Variants in OTUB1 observed in about 807,000 individuals in gnomAD.
The protein encoded by OTUB1 is ubiquitin thioesterase OTUB1.
A neutral mutation model predicts 35.8 loss-of-function variants in OTUB1; 10 were observed. The observed-to-expected ratio is 0.28, with a 90% CI of 0.17 to 0.47. The LOEUF (loss-of-function observed/expected upper bound fraction) is 0.47. Among genes scored for constraint, OTUB1 ranks in the 20% least tolerant of loss-of-function variants. The probability of loss-of-function intolerance (pLI) is 0.99; values close to 1 mark genes in which losing one functional copy is unlikely to be tolerated. For synonymous variants in OTUB1, 158 were observed against 143.8 expected, an observed-to-expected ratio of 1.10 and a Z score of -0.71; for missense variants, 264 against 351.6, an observed-to-expected ratio of 0.75 and a Z score of 1.99.
intron 1 of OTUB1, chr11:63,987,015 CCCTGAGG>C (rs1473022918): frequency 6.4e-6 from 1 of 155,080 alleles, no homozygotes; most frequent in African/African-American, 2.4e-5. Flanking sequence ...CGGGATCTGT[CCCTGAGG>C]CCTGCGACTT....
rs1245730408 is a variant in OTUB1 at position 63,997,480 on chromosome 11, T to G, written c.750T>G (p.Pro250=). 1 of 1,614,122 alleles carries G rather than the reference T, an allele frequency of 6.2e-7. No homozygotes were observed. The highest frequency in any genetic ancestry group is 1.1e-5 in the South Asian group (1 of 91,086). ...EGGTTNPHIF[P]EGSEPKVYLL... ...GCACCACCAATCCGCACATCTTCCC[T>G]GAGGGCTCCGAGCCCAAGGTCTACC... Residue 250 remains proline (P), a synonymous_variant, in exon 7 of 7, where the codon CCT becomes CCG. Coordinates refer to ENST00000538426, the MANE Select transcript of OTUB1 (RefSeq NM_017670.3).
rs552834352 is a variant in OTUB1, at chr11:63,986,678, G to A, written c.58+164G>A. 2.2e-3 allele frequency among the ~76,000 whole-genome samples: 332 copies of A among 152,186 alleles called. 1 individual carries two copies. The highest frequency in any genetic ancestry group is 0.017 in the Middle Eastern group (5 of 292). On this transcript the variant is annotated intron_variant, in intron 1 of 6. Coordinates refer to ENST00000538426, the MANE Select transcript of OTUB1 (RefSeq NM_017670.3). ...CCTCCCCTCCCCCTCACAATGGAAG[G>A]AGCCACCGCCGCGACCCCCGGCCGG...
At chr11:63,992,586 GCTGGAGTGCA>G (rs1354667757) in intron 3 of OTUB1, among the ~76,000 whole-genome samples, 2 of 152,082 alleles carry the variant, frequency 1.3e-5, no homozygotes, top group Non-Finnish European at 2.9e-5. Context: ...TGTCACCCAG[GCTGGAGTGCA>G]CTGGAGTGCA....
Position 63,997,597 on chromosome 11 carries a change from G to A in OTUB1, c.*51G>A. The A allele has an allele frequency of 6.6e-7, 1 of 1,515,170 alleles. No homozygotes were observed. The highest frequency in any genetic ancestry group is 9.2e-7 in the Non-Finnish European group (1 of 1,092,868). The allele number at this position is 1,515,170 out of a possible 1,614,324, so 93.9% of individuals were successfully genotyped here. A position where few individuals can be genotyped will look rare whatever the true frequency, so the allele number is the denominator to read the frequency against. On this transcript the variant is annotated 3_prime_UTR_variant, in exon 7 of 7. Transcript: ENST00000538426. ...TGCTGCCCCCCTCTGCCAGGCGCTA[G>A]ACATGTACAGAGGTTTTTCTGTGGT...
At chr11:63,995,508 T>C (rs752379423) in intron 3 of OTUB1, among the ~76,000 whole-genome samples, 1 of 152,080 alleles carries the variant, frequency 6.6e-6, no homozygotes, top group Non-Finnish European at 1.5e-5. Flanking sequence ...TTATTTTTTT[T>C]AGAGAGACGG....
chr11:63,991,906 T>C (rs1942675978), intron 3 of OTUB1, among the ~76,000 whole-genome samples: 1 of 151,338 alleles, frequency 6.6e-6, no homozygotes, highest in Non-Finnish European at 1.5e-5. Flanking sequence ...AGGCGGTGAG[T>C]GCTGTGGAGA....
chr11:63,989,111 G>A (rs1027525384), intron 3 of OTUB1: 11 of 186,128 alleles, frequency 5.9e-5, no homozygotes, highest in Non-Finnish European at 1.0e-4. Flanking sequence ...CCTGAGGTCA[G>A]GAGTTCGAGA....
intron 3 of OTUB1, chr11:63,990,763 C>T (rs1168224138): frequency 6.6e-6 from 1 of 152,054 alleles, no homozygotes; most frequent in Non-Finnish European, 1.5e-5. Flanking sequence ...GTAGGTAACC[C>T]AGGTGATTGA....
Position 63,997,406 on chromosome 11 carries a change from G to A in OTUB1, c.676G>A (p.Ala226Thr). The A allele has an allele frequency of 1.2e-6, 2 of 1,614,110 alleles. No homozygotes were observed. Among genetic ancestry groups the A allele is most frequent in the African/African-American group, 2.7e-5 (2 of 75,054 alleles). The part of the protein sequence containing the change: ...DHIHIIALAQ[A>T]LSVSIQVEYM... ...CATCCACATCATTGCGCTGGCCCAG[G>A]CCCTCAGCGTGTCCATCCAGGTGGA... Residue 226 changes from alanine (A) to threonine (T), a missense_variant, in exon 7 of 7, where the codon GCC (alanine) becomes ACC (threonine). Physicochemically the swap from Ala to Thr is moderately conservative, Grantham distance 58 (BLOSUM62 0). This residue lies in a region of OTUB1 where 214 missense variants were observed against 317.1 expected (regional missense o/e 0.67). Transcript: ENST00000538426.
intron 3 of OTUB1, among the ~76,000 whole-genome samples, chr11:63,990,997 G>C (rs971822500): frequency 3.9e-5 from 6 of 152,224 alleles, no homozygotes; most frequent in African/African-American, 7.2e-5. Flanking sequence ...CTGCAGGCCA[G>C]ATCCAGCTGT....
Position 63,997,515 on chromosome 11 carries a change from G to A in OTUB1, c.785G>A (p.Arg262Gln). 6 of 1,614,052 alleles carry A rather than the reference G, an allele frequency of 3.7e-6. No homozygotes were observed. The highest frequency in any genetic ancestry group is 5.1e-6 in the Non-Finnish European group (6 of 1,180,000). The change falls in exon 7 of 7, where the codon CGG becomes CAG. Residue 262 changes from arginine to glutamine, a missense_variant. Transcript: ENST00000538426. ...GSEPKVYLLYRPGHYDILYK is the reference protein window; with the variant it reads ...GSEPKVYLLYQPGHYDILYK ...GAGCCCAAGGTCTACCTTCTCTACC[G>A]GCCTGGACACTACGATATCCTCTAC... is the stretch of plus-strand genomic sequence containing the variant.
Position 63,996,969 on chromosome 11 carries a change from G to A in OTUB1, c.423+28G>A, listed in dbSNP as rs772794068. 7 of 1,613,534 alleles carry A rather than the reference G, an allele frequency of 4.3e-6. No homozygotes were observed. In the East Asian group the frequency reaches 1.6e-4, roughly 36 times the overall value. On this transcript the variant is annotated intron_variant, in intron 5 of 6. Coordinates refer to ENST00000538426, the MANE Select transcript of OTUB1 (RefSeq NM_017670.3). ...GAGCCCTGGTGCCTGTCTTGGGCTG[G>A]GCCATGGGGGAGGGGTTCACCTGGT...
Position 63,996,484 on chromosome 11 carries a change from C to T in OTUB1, c.220-46C>T, listed in dbSNP as rs189204824. The T allele has an allele frequency of 2.6e-5, 42 of 1,592,756 alleles. No individual in the cohort carries two copies. In the Admixed American group the frequency reaches 2.8e-4, roughly 11 times the overall value. ...GGGGGACATTTCCTTGGCCAGCCCC[C>T]GTTCTGGCCTGATGTTAACCTGTCG... On this transcript the variant is annotated intron_variant, in intron 3 of 6. Coordinates refer to ENST00000538426, the MANE Select transcript of OTUB1 (RefSeq NM_017670.3).
chr11:63,997,020 A>G (rs1207883259), intron 5 of OTUB1, 30 bp from the exon 6 acceptor site: 4 of 1,612,454 alleles, frequency 2.5e-6, no homozygotes, highest in Non-Finnish European at 3.4e-6. Flanking sequence ...CCTCCCCGTC[A>G]TCTTGCCCTT....
chr11:63,988,580 G>A (rs1305064804), intron 2 of OTUB1, 74 bp from the exon 3 acceptor site: 1 of 1,316,516 alleles, frequency 7.6e-7, no homozygotes, highest in South Asian at 1.2e-5. Flanking sequence ...CAGCTCTTTT[G>A]TAGTTATTCT....
chr11:63,988,970 C>A (rs940023003), intron 3 of OTUB1: 13 of 471,372 alleles, frequency 2.8e-5, no homozygotes, highest in Middle Eastern at 5.4e-4. Context: ...GCCAAGATCA[C>A]ACCATTGCAC....
Position 63,997,524 on chromosome 11 carries a change from A to C in OTUB1, c.794A>C (p.His265Pro), listed in dbSNP as rs1402066808. Residue 265 changes from histidine (H) to proline (P), a missense_variant, in exon 7 of 7, where the codon CAC becomes CCC. Around this residue, in one of 2 missense-constraint regions of OTUB1, gnomAD observed 214 missense variants for 317.1 expected, o/e 0.67. Transcript: ENST00000538426. The stretch of plus-strand genomic sequence containing the variant: ...GTCTACCTTCTCTACCGGCCTGGAC[A>C]CTACGATATCCTCTACAAATAGGGC... ...PKVYLLYRPG[H>P]YDILYK The C allele has an allele frequency of 6.2e-7, 1 of 1,613,984 alleles. No homozygotes were observed. The highest frequency in any genetic ancestry group is 1.1e-5 in the South Asian group (1 of 91,080).
rs1245886672 is a variant in OTUB1 at position 63,986,530 on chromosome 11, G to C, written c.58+16G>C. 1 of 1,539,474 alleles carries C rather than the reference G, an allele frequency of 6.5e-7. No homozygotes were observed. Among genetic ancestry groups the C allele is most frequent in the Non-Finnish European group, 8.8e-7 (1 of 1,139,174 alleles). Reference sequence around the variant, plus strand: ...GACTCCGAAGGTACAGATCCAAGGAGGGATGTCCGGCCCGGGCTAGTGGGG... The same window carrying C: ...GACTCCGAAGGTACAGATCCAAGGACGGATGTCCGGCCCGGGCTAGTGGGG... On this transcript the variant is annotated intron_variant, in intron 1 of 6. Transcript: ENST00000538426.
chr11:63,994,455 G>A (rs1485656923), intron 3 of OTUB1, among the ~76,000 whole-genome samples: 1 of 152,202 alleles, frequency 6.6e-6, no homozygotes, highest in Admixed American at 6.5e-5. Context: ...GTTTCACCAT[G>A]TTGGCCAGGA....
Sources: allele counts gnomAD v4.1 joint callset (sites outside exome capture counted in the v4.1 genomes callset), GRCh38; gene constraint gnomAD v4.1.1; regional missense constraint gnomAD v4.1.1; transcripts MANE v1.5; gene names NCBI Gene and HGNC (gene_info 2026-07-23, HGNC 2026-07-21).